The following GUCY1A2 variants were observed in gnomAD, a reference collection of about 807,000 sequenced individuals.
GUCY1A2 encodes guanylate cyclase soluble subunit alpha-2.
GUCY1A2 carries 27 observed loss-of-function variants against 63.5 expected under a neutral mutation model. The ratio of observed to expected loss-of-function variants is 0.43; its 90% CI spans 0.31 to 0.59. The LOEUF (loss-of-function observed/expected upper bound fraction) is 0.59. Ranked by LOEUF, GUCY1A2 falls within the 20% of genes least tolerant of loss-of-function variation. The pLI is 0.11. For synonymous variants in GUCY1A2, 364 were observed against 343.5 expected (o/e 1.06, Z -0.66); for missense variants, 768 against 913.3 (o/e 0.84, Z 2.05).
chr11:106,717,412 A>G (rs1394893771), intron 6 of GUCY1A2, among the ~76,000 whole-genome samples: 1 of 152,210 alleles, frequency 6.6e-6, no homozygotes, highest in Non-Finnish European at 1.5e-5. Context: ...ACAATGACAC[A>G]CACCCATTTA....
Position 106,725,152 on chromosome 11 carries a change from CTTTTTTTTTTTTTTTTTTT to C in GUCY1A2, c.1837-16505_1837-16487del, listed in dbSNP as rs773251118. 2.6e-4 allele frequency among the ~76,000 whole-genome samples: 6 copies of C among 22,988 alleles called. 1 individual carries two copies. Among genetic ancestry groups the C allele is most frequent in the East Asian group, 1.5e-3 (1 of 686 alleles). 15.1% of individuals were successfully genotyped at this position (22,988 alleles called of 152,430 possible). On this transcript the variant is annotated intron_variant, in intron 6 of 7. Coordinates refer to ENST00000526355, the MANE Select transcript of GUCY1A2 (RefSeq NM_000855.3). ...ATGTATCTTCTTATTGACATAAATT[CTTTTTTTTTTTTTTTTTTT>C]TTTTTTTTTTTTTTTTTTTGAGACG...
At position 106,693,382 on chromosome 11, in the gene GUCY1A2, T is replaced by C. The variant is rs549458879; in HGVS notation, c.1992-5626A>G. ...TGGGCATGTGAATTTTCTCCTAGTC[T>C]TTTTTATCATCATCATCATCATCAT... On this transcript the variant is annotated intron_variant, in intron 7 of 7. Transcript: ENST00000526355. 2.6e-5 allele frequency among the ~76,000 whole-genome samples: 4 copies of C among 152,204 alleles called. No homozygotes were observed. The South Asian group carries it at 8.3e-4, about 32-fold the overall frequency.
chr11:106,832,212 A>G (rs60870664), intron 4 of GUCY1A2, among the ~76,000 whole-genome samples: 4,823 of 152,186 alleles, frequency 0.032, 257 homozygotes, highest in African/African-American at 0.11. Context: ...TTTGCATTCC[A>G]GTCAGATGGT....
At chr11:106,912,912 A>T (rs1301512139) in intron 4 of GUCY1A2, among the ~76,000 whole-genome samples, 1 of 152,144 alleles carries the variant, frequency 6.6e-6, no homozygotes, top group African/African-American at 2.4e-5. Context: ...CTGCTTCCAA[A>T]AAACCTATAC....
rs1862445926 is a variant in GUCY1A2, at chr11:106,682,345, G to A, written c.*5204C>T. 4.6e-6 allele frequency: 1 copy of A among 217,116 alleles called. No homozygotes were observed. 13.4% of individuals were successfully genotyped at this position (217,116 alleles called of 1,614,324 possible). ...TTGAATACTTTTCAATGATTCCCAA[G>A]TCTGGCTGTATATTAGCATTACTTA... On this transcript the variant is annotated 3_prime_UTR_variant, in exon 8 of 8. Transcript: ENST00000526355.
chr11:106,796,048 T>C (rs1037078282), intron 5 of GUCY1A2, among the ~76,000 whole-genome samples: 1 of 152,144 alleles, frequency 6.6e-6, no homozygotes, highest in African/African-American at 2.4e-5. Flanking sequence ...AATTGATCCC[T>C]TTACCATTAC....
intron 4 of GUCY1A2, among the ~76,000 whole-genome samples, chr11:106,852,594 TG>T (rs1200941965): frequency 6.6e-6 from 1 of 152,158 alleles, no homozygotes; most frequent in Non-Finnish European, 1.5e-5. Flanking sequence ...TTCATTCTAT[TG>T]ATGTAACATA....
chr11:106,970,033 T>C (rs142528537), intron 3 of GUCY1A2, among the ~76,000 whole-genome samples: 254 of 152,264 alleles, frequency 1.7e-3, no homozygotes, highest in African/African-American at 5.4e-3. Context: ...TCTAAGAAAT[T>C]TGAGAATTTT....
chr11:106,739,129 T>C (rs1863643815), intron 6 of GUCY1A2, among the ~76,000 whole-genome samples: 1 of 152,224 alleles, frequency 6.6e-6, no homozygotes, highest in African/African-American at 2.4e-5. Context: ...GTTGGATTCC[T>C]AGGTATTTTA....
intron 7 of GUCY1A2, among the ~76,000 whole-genome samples, chr11:106,691,569 C>A (rs1479740943): frequency 1.3e-5 from 2 of 152,134 alleles, no homozygotes; most frequent in Non-Finnish European, 2.9e-5. Context: ...TATGAAGGTA[C>A]TTGTAAATGA....
chr11:106,728,860 A>G (rs1180652043), intron 6 of GUCY1A2, among the ~76,000 whole-genome samples: 1 of 152,166 alleles, frequency 6.6e-6, no homozygotes, highest in Non-Finnish European at 1.5e-5. Context: ...CAATGTTTAA[A>G]CAATCACAAA....
intron 4 of GUCY1A2, among the ~76,000 whole-genome samples, chr11:106,938,199 C>T (rs1860704672): frequency 6.6e-6 from 1 of 152,170 alleles, no homozygotes; most frequent in Non-Finnish European, 1.5e-5. Flanking sequence ...CCACCTCGGC[C>T]TCCCAAAGTG....
chr11:106,913,955 G>C (rs1438209512), intron 4 of GUCY1A2, among the ~76,000 whole-genome samples: 1 of 147,624 alleles, frequency 6.8e-6, no homozygotes, highest in Non-Finnish European at 1.5e-5. Context: ...ATGTTTGTTG[G>C]GTCATTGATT....
At chr11:106,950,664 C>T (rs918445169) in intron 3 of GUCY1A2, among the ~76,000 whole-genome samples, 4 of 152,122 alleles carry the variant, frequency 2.6e-5, no homozygotes, top group African/African-American at 9.7e-5. Flanking sequence ...TTCAAATTGG[C>T]GGCCACAGAA....
intron 4 of GUCY1A2, among the ~76,000 whole-genome samples, chr11:106,836,042 A>T (rs1226269015): frequency 5.3e-5 from 8 of 151,960 alleles, no homozygotes; most frequent in African/African-American, 1.9e-4. Context: ...CTTTGTATTG[A>T]GTGAGTTTAA....
intron 6 of GUCY1A2, among the ~76,000 whole-genome samples, chr11:106,775,585 A>T (rs1864342393): frequency 6.6e-6 from 1 of 151,848 alleles, no homozygotes; most frequent in Non-Finnish European, 1.5e-5. Context: ...TAATATATTT[A>T]ACCCAATATT....
intron 4 of GUCY1A2, chr11:106,823,876 A>T (rs998086245): frequency 3.3e-6 from 1 of 298,554 alleles, no homozygotes. Flanking sequence ...CTTTTGAGAA[A>T]TGTTTGTTCA....
At chr11:106,865,525 T>A (rs1859579833) in intron 4 of GUCY1A2, among the ~76,000 whole-genome samples, 1 of 151,976 alleles carries the variant, frequency 6.6e-6, no homozygotes, top group South Asian at 2.1e-4. Context: ...CTGGAAACCA[T>A]CGCTCTCAGG....
chr11:106,933,237 A>G (rs559211034), intron 4 of GUCY1A2, among the ~76,000 whole-genome samples: 13 of 152,186 alleles, frequency 8.5e-5, no homozygotes, highest in Non-Finnish European at 1.9e-4. Context: ...ACCAAAATCT[A>G]TAAGGAAGTT....
Sources: allele counts gnomAD v4.1 joint callset (sites outside exome capture counted in the v4.1 genomes callset), GRCh38; gene constraint gnomAD v4.1.1; transcripts MANE v1.5; gene names NCBI Gene and HGNC (gene_info 2026-07-23, HGNC 2026-07-21).